CTSA: variants seen among roughly 807,000 people sequenced by gnomAD.
CTSA encodes cathepsin A.
CTSA carries 42 observed loss-of-function variants against 66.7 expected under a neutral mutation model. The observed-to-expected ratio is 0.63, with a 90% confidence interval of 0.49 to 0.81. The LOEUF (loss-of-function observed/expected upper bound fraction) is 0.81, where lower values mean the gene tolerates loss of function less well. CTSA is among the 40% of genes least tolerant of loss of function. The pLI is 0.00. For synonymous variants in CTSA, 225 were observed against 248.6 expected, an observed-to-expected ratio of 0.91 and a Z score of 0.89; for missense variants, 525 against 610.9, an observed-to-expected ratio of 0.86 and a Z score of 1.48.
chr20:45,891,382 G>T lies in CTSA; in HGVS notation c.-1+3G>T. ...AGCAAGGACGCGGGGGAGCAGAGGT[G>T]AGCTGGCACCGGAGGCTGGAGGGGA... On this transcript the variant is annotated splice_donor_region_variant and intron_variant, in intron 1 of 14. Transcript: ENST00000646241. The surrounding 1 kb of genome is among the most constrained non-coding windows in gnomAD (Gnocchi z 4.6). 6.4e-7 allele frequency: 1 copy of T among 1,571,296 alleles called. No homozygotes were observed.
At chr20:45,897,128 A>C (rs2083119283) in intron 12 of CTSA, 88 bp downstream of exon 12, 10 of 1,066,540 alleles carry the variant, frequency 9.4e-6, no homozygotes, top group African/African-American at 1.6e-5. Context: ...ACTTCCTGTC[A>C]GGACAAGGGA....
intron 8 of CTSA, chr20:45,894,411 G>T: frequency 1.6e-6 from 1 of 617,708 alleles, no homozygotes; most frequent in South Asian, 1.9e-5. Flanking sequence ...TCCAGATAAG[G>T]AAACTGAGGG....
intron 11 of CTSA, 134 bp from the exon 12 acceptor site, chr20:45,896,831 C>A: frequency 2.5e-6 from 2 of 785,952 alleles, no homozygotes; most frequent in Non-Finnish European, 4.5e-6. Context: ...GGTGGCCCCC[C>A]CCCAAAAAGG....
At chr20:45,896,843 G>T in intron 11 of CTSA, 122 bp from the exon 12 acceptor site, 1 of 826,580 alleles carries the variant, frequency 1.2e-6, no homozygotes. Flanking sequence ...CCAAAAAGGG[G>T]AGTGGAACCC....
Position 45,892,805 on chromosome 20 carries a change from CG to C in CTSA, c.529del (p.Glu177ArgfsTer21). The C allele has an allele frequency of 6.2e-7, 1 of 1,614,152 alleles. No homozygotes were observed. Among genetic ancestry groups the C allele is most frequent in the Non-Finnish European group, 8.5e-7 (1 of 1,180,022 alleles). ...EYKNNKLFLT[G>X]ESYAGIYIPT... Reference sequence around the variant, plus strand: ...ACAAGAACAACAAACTTTTCCTGACCGGGGAGAGCTATGCTGGCATCTACAT... The same window carrying C: ...ACAAGAACAACAAACTTTTCCTGACCGGGAGAGCTATGCTGGCATCTACAT... On this transcript the variant is annotated frameshift_variant, in exon 6 of 15. Transcript: ENST00000646241. LOFTEE classifies it high-confidence loss of function.
In CTSA at chr20:45,891,901, T is replaced by C. The variant is rs777563480; in HGVS notation, c.195-15T>C. 3 of 1,612,556 alleles carry C rather than the reference T, an allele frequency of 1.9e-6. No homozygotes were observed. In the East Asian group the frequency reaches 6.7e-5, roughly 36 times the overall value. On this transcript the variant is annotated splice_polypyrimidine_tract_variant and intron_variant, in intron 2 of 14. Transcript: ENST00000646241. This position sits in a 1 kb window ranked among gnomAD's most constrained non-coding sequence, Gnocchi z 4.6. Reference sequence around the variant, plus strand: ...CCCTCCAACTGCGCCAACCCTGCCCTGACCCCCCTCCCAGGTTTGTGGAGT... The same window carrying C: ...CCCTCCAACTGCGCCAACCCTGCCCCGACCCCCCTCCCAGGTTTGTGGAGT...
intron 11 of CTSA, chr20:45,896,257 A>G (rs1024383473): frequency 7.2e-6 from 1 of 138,252 alleles, no homozygotes; most frequent in Non-Finnish European, 1.5e-5. Context: ...CCCCCCCACA[A>G]CCCCAAGTAA....
At chr20:45,896,161 C>T (rs1248295384) in intron 11 of CTSA, among the ~76,000 whole-genome samples, 1 of 152,104 alleles carries the variant, frequency 6.6e-6, no homozygotes, top group Non-Finnish European at 1.5e-5. Flanking sequence ...TGCTACTGCA[C>T]TCCAGCCTGG....
At chr20:45,894,490 G>C (rs552244236) in intron 8 of CTSA, among the ~76,000 whole-genome samples, 160 bp from the exon 9 acceptor site, 53 of 152,334 alleles carry the variant, frequency 3.5e-4, no homozygotes, top group African/African-American at 1.3e-3. Context: ...TTTGGACCCA[G>C]GTCTGGGAAG....
rs2083141425 is a variant in CTSA, at chr20:45,898,684, C to T, written c.*234C>T. 1 of 664,858 alleles carries T rather than the reference C, an allele frequency of 1.5e-6. No individual in the cohort carries two copies. Among genetic ancestry groups the T allele is most frequent in the South Asian group, 1.8e-5 (1 of 55,704 alleles). The allele number at this position is 664,858 out of a possible 1,614,324, so 41.2% of individuals were successfully genotyped here. ...TGAATGGGGTGGCCTGGCCCCTTCT[C>T]TGCTTAAAGAATGCCCTTTATGATG... On this transcript the variant is annotated 3_prime_UTR_variant, in exon 15 of 15. Coordinates refer to ENST00000646241, the MANE Select transcript of CTSA (RefSeq NM_000308.4). This position sits in a 1 kb window ranked among gnomAD's most constrained non-coding sequence, Gnocchi z 4.6.
Position 45,891,550 on chromosome 20 carries a change from C to T in CTSA, c.1-19C>T. The stretch of plus-strand genomic sequence containing the variant: ...AGCGCTGAGGAGCGAGTCAACAGCC[C>T]CTCTGCTGCCTCCCGTAGATGATCC... On this transcript the variant is annotated intron_variant, in intron 1 of 14. Coordinates refer to ENST00000646241, the MANE Select transcript of CTSA (RefSeq NM_000308.4). The surrounding 1 kb of genome is among the most constrained non-coding windows in gnomAD (Gnocchi z 4.6). The T allele has an allele frequency of 6.3e-7, 1 of 1,595,984 alleles. No homozygotes were observed. Among genetic ancestry groups the T allele is most frequent in the Non-Finnish European group, 8.5e-7 (1 of 1,175,034 alleles).
At chr20:45,895,200 T>A in intron 11 of CTSA, 67 bp downstream of exon 11, 1 of 1,590,814 alleles carries the variant, frequency 6.3e-7, no homozygotes, top group South Asian at 1.1e-5. Flanking sequence ...ATCGGCAGGT[T>A]TCTCAGGGAT....
rs2083125864 is a variant in CTSA at position 45,897,706 on chromosome 20, T to C, written c.1165-11T>C. On this transcript the variant is annotated splice_polypyrimidine_tract_variant and intron_variant, in intron 12 of 14. Coordinates refer to ENST00000646241, the MANE Select transcript of CTSA (RefSeq NM_000308.4). ...TTCCACACCCCTCATTTTTACCCCA[T>C]CCTGCTTTAGAAATACCAGATCCTA... is the stretch of plus-strand genomic sequence containing the variant. The C allele has an allele frequency of 1.9e-6, 3 of 1,565,652 alleles. No homozygotes were observed. The highest frequency in any genetic ancestry group is 2.6e-6 in the Non-Finnish European group (3 of 1,135,950).
chr20:45,898,703 T>C lies in CTSA; in HGVS notation c.*253T>C. ...CCTTCTCTGCTTAAAGAATGCCCTT[T>C]ATGATGCACTGATTCCATCCCAGGA... On this transcript the variant is annotated 3_prime_UTR_variant, in exon 15 of 15. Transcript: ENST00000646241. The surrounding 1 kb of genome is among the most constrained non-coding windows in gnomAD (Gnocchi z 4.6). 3.1e-6 allele frequency: 2 copies of C among 655,042 alleles called. No individual in the cohort carries two copies. Among genetic ancestry groups the C allele is most frequent in the Non-Finnish European group, 5.3e-6 (2 of 377,406 alleles). 40.6% of individuals were successfully genotyped at this position (655,042 alleles called of 1,614,324 possible). A position where few individuals can be genotyped will look rare whatever the true frequency, so the allele number is the denominator to read the frequency against.
chr20:45,893,630 G>A (rs112728846), intron 7 of CTSA, among the ~76,000 whole-genome samples: 1,651 of 152,030 alleles, frequency 0.011, 18 homozygotes, highest in Non-Finnish European at 0.015. Flanking sequence ...CTACAGGCGC[G>A]TACCACCACA....
intron 11 of CTSA, chr20:45,896,518 C>T (rs932091076): frequency 1.7e-5 from 4 of 239,742 alleles, no homozygotes; most frequent in Admixed American, 1.0e-4. Flanking sequence ...CTGCAACCTC[C>T]GCCTCCCGGG....
At chr20:45,897,157 C>T (rs1384832402) in intron 12 of CTSA, 117 bp downstream of exon 12, 11 of 876,670 alleles carry the variant, frequency 1.3e-5, no homozygotes, top group East Asian at 2.4e-5. Flanking sequence ...CTCCGAAAGG[C>T]GAAGCCCAGG....
chr20:45,893,066 C>CT (rs1987057399), intron 6 of CTSA, 154 bp from the exon 7 acceptor site: 6 of 928,906 alleles, frequency 6.5e-6, no homozygotes, highest in Non-Finnish European at 8.5e-6. Flanking sequence ...GCTGCCAGCT[C>CT]TGTGTTTTGC....
chr20:45,898,613 TAGAC>T lies in CTSA; in HGVS notation c.*166_*169del. On this transcript the variant is annotated 3_prime_UTR_variant, in exon 15 of 15. Transcript: ENST00000646241. The surrounding 1 kb of genome is among the most constrained non-coding windows in gnomAD (Gnocchi z 4.6). ...CCCAGACTGGGCCCAGGGTCTCCCA[TAGAC>T]AGCCTGGGGGCAAGTTAGCACTTTA... is the stretch of plus-strand genomic sequence containing the variant. 1.3e-6 allele frequency: 1 copy of T among 774,782 alleles called. No individual in the cohort carries two copies. The highest frequency in any genetic ancestry group is 1.5e-5 in the South Asian group (1 of 68,074). 48.0% of individuals were successfully genotyped at this position (774,782 alleles called of 1,614,324 possible). A position where few individuals can be genotyped will look rare whatever the true frequency, so the allele number is the denominator to read the frequency against.
Sources: allele counts gnomAD v4.1 joint callset (sites outside exome capture counted in the v4.1 genomes callset), GRCh38; gene constraint gnomAD v4.1.1; non-coding constraint Gnocchi (gnomAD v3.1); transcripts MANE v1.5; gene names NCBI Gene and HGNC (gene_info 2026-07-23, HGNC 2026-07-21).